Variants in DNAH14 observed in about 807,000 individuals in gnomAD.
DNAH14 encodes the protein dynein axonemal heavy chain 14.
In DNAH14, 478 loss-of-function variants were observed where a neutral mutation model predicts 520.9. That is an observed-to-expected ratio of 0.92 (90% CI 0.85 to 0.99). The LOEUF (loss-of-function observed/expected upper bound fraction) is 0.99, where lower values mean the gene tolerates loss of function less well. Among genes scored for constraint, DNAH14 ranks in the 50% least tolerant of loss-of-function variants. DNAH14 has a pLI of 0.00. For missense variants in DNAH14, 4,831 were observed against 5,234.5 expected (o/e 0.92, Z 2.38); for synonymous variants, 1,581 against 1,757.2 (o/e 0.90, Z 2.51).
chr1:224,933,764 G>T (rs2058845633), intron 1 of DNAH14, among the ~76,000 whole-genome samples: 1 of 151,884 alleles, frequency 6.6e-6, no homozygotes, highest in African/African-American at 2.4e-5. Flanking sequence ...TTGCACTCCT[G>T]GTATAAATCC....
intron 64 of DNAH14, among the ~76,000 whole-genome samples, chr1:225,326,439 A>G (rs1229088045): frequency 6.6e-6 from 1 of 152,162 alleles, no homozygotes; most frequent in Non-Finnish European, 1.5e-5. Flanking sequence ...TTGGAGGCCT[A>G]CAGCTGAGTT....
At chr1:225,202,893 C>G (rs2087046264) in intron 38 of DNAH14, among the ~76,000 whole-genome samples, 1 of 152,224 alleles carries the variant, frequency 6.6e-6, no homozygotes, top group South Asian at 2.1e-4. Context: ...CTGTATTTTG[C>G]TCAGCTATCT....
At chr1:225,032,851 C>T (rs375521068) in intron 11 of DNAH14, among the ~76,000 whole-genome samples, 17 of 152,166 alleles carry the variant, frequency 1.1e-4, no homozygotes, top group Admixed American at 2.6e-4. Context: ...AGCTCTTTTT[C>T]GTATGCTTAT....
At position 225,266,727 on chromosome 1, in the gene DNAH14, A is replaced by G. The variant is rs1321541302; in HGVS notation, c.7497A>G (p.Leu2499=). 4 of 1,527,774 alleles carry G rather than the reference A, an allele frequency of 2.6e-6. No individual in the cohort carries two copies. Among genetic ancestry groups the G allele is most frequent in the Non-Finnish European group, 3.5e-6 (4 of 1,140,772 alleles). The allele number at this position is 1,527,774 out of a possible 1,614,324, so 94.6% of individuals were successfully genotyped here. Reference sequence around the variant, plus strand: ...CCCTGGAATTGATAAGACAATTGTTAGATTTGGGAGGAGTTTATGATACTG... The same window carrying G: ...CCCTGGAATTGATAAGACAATTGTTGGATTTGGGAGGAGTTTATGATACTG... The part of the protein sequence containing the change: ...QPPLELIRQL[L]DLGGVYDTEK... Residue 2499 remains leucine, a synonymous_variant, in exon 49 of 86, where the codon TTA becomes TTG. Transcript: ENST00000682510.
chr1:225,095,196 C>G (rs577873865), intron 21 of DNAH14, among the ~76,000 whole-genome samples: 5 of 152,114 alleles, frequency 3.3e-5, no homozygotes, highest in African/African-American at 1.2e-4. Context: ...GACACATGCA[C>G]GCTTATGTTC....
At chr1:224,996,855 T>G (rs2063425262) in intron 8 of DNAH14, among the ~76,000 whole-genome samples, 1 of 152,054 alleles carries the variant, frequency 6.6e-6, no homozygotes, top group Non-Finnish European at 1.5e-5. Context: ...GGCCTTGGGG[T>G]GGGCTTTGAG....
intron 19 of DNAH14, among the ~76,000 whole-genome samples, chr1:225,081,189 G>A: frequency 6.6e-6 from 1 of 152,096 alleles, no homozygotes; most frequent in Admixed American, 6.6e-5. Flanking sequence ...TACTGTTTTT[G>A]TGAGAGCATT....
At chr1:224,966,310 A>C (rs2061164425) in intron 5 of DNAH14, among the ~76,000 whole-genome samples, 1 of 152,160 alleles carries the variant, frequency 6.6e-6, no homozygotes, top group South Asian at 2.1e-4. Flanking sequence ...TGGATCCAAA[A>C]TTTAAAACTA....
intron 23 of DNAH14, among the ~76,000 whole-genome samples, chr1:225,103,409 G>T (rs369134380): frequency 2.3e-4 from 35 of 151,952 alleles, no homozygotes; most frequent in South Asian, 8.3e-4. Flanking sequence ...TAAAGTAGTT[G>T]TTTCCAATTC....
At chr1:225,326,679 CA>C (rs1425029302) in intron 64 of DNAH14, among the ~76,000 whole-genome samples, 1 of 152,010 alleles carries the variant, frequency 6.6e-6, no homozygotes, top group Non-Finnish European at 1.5e-5. Flanking sequence ...TACATTTAAA[CA>C]TTATACAATT....
At chr1:225,226,838 G>C (rs866093336) in intron 41 of DNAH14, among the ~76,000 whole-genome samples, 1 of 152,094 alleles carries the variant, frequency 6.6e-6, no homozygotes. Flanking sequence ...GGGTCATGGT[G>C]GGGAGAGGGT....
Position 225,043,997 on chromosome 1 carries a change from A to AAAT in DNAH14, c.1912+15_1912+16insATA. On this transcript the variant is annotated intron_variant, in intron 15 of 85. Transcript: ENST00000682510. ...AAAAATGTATAAGTAAGTGTTTTTA[A>AAAT]AGCTTAGTGAAATGCATTGTCTTCT... 1 of 1,405,518 alleles carries AAAT rather than the reference A, an allele frequency of 7.1e-7. No individual in the cohort carries two copies. Among genetic ancestry groups the AAAT allele is most frequent in the South Asian group, 1.3e-5 (1 of 74,230 alleles). 87.1% of individuals were successfully genotyped at this position (1,405,518 alleles called of 1,614,324 possible).
intron 19 of DNAH14, among the ~76,000 whole-genome samples, chr1:225,081,601 A>C (rs560318579): frequency 6.6e-6 from 1 of 152,194 alleles, no homozygotes; most frequent in Admixed American, 6.5e-5. Flanking sequence ...CTAAAGTTAC[A>C]CTCTTGACCT....
At chr1:225,029,132 C>T (rs1002074872) in intron 11 of DNAH14, among the ~76,000 whole-genome samples, 2 of 151,752 alleles carry the variant, frequency 1.3e-5, no homozygotes, top group African/African-American at 2.4e-5. Context: ...TTATGCAACA[C>T]GAATAAATCT....
At chr1:224,967,878 C>T in intron 6 of DNAH14, 1 of 1,279,618 alleles carries the variant, frequency 7.8e-7, no homozygotes, top group Non-Finnish European at 9.9e-7. Flanking sequence ...CATTTGCTAG[C>T]TTAATGGGAA....
intron 17 of DNAH14, among the ~76,000 whole-genome samples, chr1:225,066,163 GA>G (rs142592993): frequency 6.6e-6 from 1 of 151,972 alleles, no homozygotes; most frequent in East Asian, 1.9e-4. Flanking sequence ...GTCTCCTTTT[GA>G]GACATATCTA....
At chr1:225,249,286 A>G (rs1170466110) in intron 43 of DNAH14, among the ~76,000 whole-genome samples, 1 of 152,236 alleles carries the variant, frequency 6.6e-6, no homozygotes, top group East Asian at 1.9e-4. Context: ...GTGGACTATA[A>G]TAATCTTAAA....
At chr1:225,215,633 C>T (rs1017929114) in intron 41 of DNAH14, among the ~76,000 whole-genome samples, 7 of 152,078 alleles carry the variant, frequency 4.6e-5, no homozygotes, top group African/African-American at 1.7e-4. Flanking sequence ...TGAATTGATC[C>T]CTTTACCATT....
At chr1:225,306,483 C>T (rs1361197573) in intron 58 of DNAH14, among the ~76,000 whole-genome samples, 1 of 152,092 alleles carries the variant, frequency 6.6e-6, no homozygotes, top group Non-Finnish European at 1.5e-5. Flanking sequence ...TGGCCAGATG[C>T]CCTACAGGCA....
Sources: allele counts gnomAD v4.1 joint callset (sites outside exome capture counted in the v4.1 genomes callset), GRCh38; gene constraint gnomAD v4.1.1; transcripts MANE v1.5; gene names NCBI Gene and HGNC (gene_info 2026-07-23, HGNC 2026-07-21).